PCNT: variants seen among roughly 807,000 people sequenced by gnomAD.
PCNT encodes pericentrin.
PCNT carries 319 observed loss-of-function variants against 380.4 expected under a neutral mutation model. That is an observed-to-expected ratio of 0.84 (90% confidence interval 0.77 to 0.92). The LOEUF (loss-of-function observed/expected upper bound fraction) is 0.92. Ranked by LOEUF, PCNT falls within the 40% of genes least tolerant of loss-of-function variation. PCNT has a pLI of 0.00. For synonymous variants in PCNT, 1,845 were observed against 1,735.2 expected (o/e 1.06, Z -1.57); for missense variants, 4,400 against 4,255.3 (o/e 1.03, Z -0.95).
At position 46,363,474 on chromosome 21, in the gene PCNT, C is replaced by T; in HGVS notation, c.2155-6C>T. On this transcript the variant is annotated splice_polypyrimidine_tract_variant and splice_region_variant and intron_variant, in intron 13 of 46. Coordinates refer to ENST00000359568, the MANE Select transcript of PCNT (RefSeq NM_006031.6). ...TTCCTCCTAAATGAAATTATGTTGT[C>T]TGTAGGTAAAACACAATCTAATTGA... 6.2e-7 allele frequency: 1 copy of T among 1,603,798 alleles called. No homozygotes were observed. The highest frequency in any genetic ancestry group is 8.5e-7 in the Non-Finnish European group (1 of 1,171,204).
intron 3 of PCNT, among the ~76,000 whole-genome samples, chr21:46,336,700 A>G (rs1303940605): frequency 1.3e-5 from 2 of 151,862 alleles, no homozygotes; most frequent in Non-Finnish European, 2.9e-5. Context: ...TCCTGCTGGG[A>G]TGTTGCTGCT....
chr21:46,365,591 A>ACTCCCATGGGGTTCTGATCG, intron 14 of PCNT, among the ~76,000 whole-genome samples: 1 of 142,420 alleles, frequency 7.0e-6, no homozygotes, highest in African/African-American at 2.7e-5. Context: ...GGTTCTGATC[A>ACTCCCATGGGGTTCTGATCG]CTGCCATGGC....
chr21:46,444,683 T>G lies in PCNT; in HGVS notation c.9840-11T>G. 1 of 1,608,720 alleles carries G rather than the reference T, an allele frequency of 6.2e-7. No homozygotes were observed. The highest frequency in any genetic ancestry group is 8.5e-7 in the Non-Finnish European group (1 of 1,176,788). ...TTTTTTTCTTCTCTTGGTGTGGTAA[T>G]TTGTTTGAAGAGCCACTCCATCCCC... On this transcript the variant is annotated splice_polypyrimidine_tract_variant and intron_variant, in intron 45 of 46. Coordinates refer to ENST00000359568, the MANE Select transcript of PCNT (RefSeq NM_006031.6).
At chr21:46,389,478 T>A in intron 19 of PCNT, 47 bp downstream of exon 19, 2 of 1,464,668 alleles carry the variant, frequency 1.4e-6, no homozygotes, top group Non-Finnish European at 1.9e-6. Flanking sequence ...AACAACTGAG[T>A]AGCTGATGAT....
intron 27 of PCNT, among the ~76,000 whole-genome samples, chr21:46,410,077 G>A (rs1164229408): frequency 6.6e-6 from 1 of 152,362 alleles, no homozygotes; most frequent in African/African-American, 2.4e-5. Flanking sequence ...AATTGTCCTC[G>A]AAATTCCTTC....
At chr21:46,329,068 C>G (rs1409165962) in intron 2 of PCNT, among the ~76,000 whole-genome samples, 1 of 152,252 alleles carries the variant, frequency 6.6e-6, no homozygotes, top group Non-Finnish European at 1.5e-5. Flanking sequence ...GCCACTGTGC[C>G]TGGCCTGCAT....
Position 46,401,534 on chromosome 21 carries a change from TC to T in PCNT, c.4792-16del, listed in dbSNP as rs773732924. 1 of 1,600,734 alleles carries T rather than the reference TC, an allele frequency of 6.2e-7. No individual in the cohort carries two copies. Among genetic ancestry groups the T allele is most frequent in the South Asian group, 1.1e-5 (1 of 90,792 alleles). On this transcript the variant is annotated splice_polypyrimidine_tract_variant and intron_variant, in intron 25 of 46. Coordinates refer to ENST00000359568, the MANE Select transcript of PCNT (RefSeq NM_006031.6). ...CCCAAATATTTGCCTAAAATAGAGT[TC>T]TTTTTTTTTTAATAGGATAAAGAGG...
intron 15 of PCNT, among the ~76,000 whole-genome samples, chr21:46,372,148 C>T (rs1263686515): frequency 1.3e-5 from 2 of 149,528 alleles, no homozygotes; most frequent in African/African-American, 4.9e-5. Flanking sequence ...AGCACATGTG[C>T]CCATACAAGG....
rs138097697 is a variant in PCNT, at chr21:46,443,861, C to G, written c.9752C>G (p.Pro3251Arg). 7.4e-6 allele frequency: 12 copies of G among 1,613,298 alleles called. No homozygotes were observed. The highest frequency in any genetic ancestry group is 6.7e-5 in the Admixed American group (4 of 60,012). The change falls in exon 45 of 47, where the codon CCA becomes CGA. Residue 3251 changes from proline to arginine, a missense_variant. By Grantham distance (103) the Pro-to-Arg change is moderately radical (BLOSUM62 -2). Transcript: ENST00000359568. ...CCACCCAGAACCAGAGAGTCCCCCC[C>G]AACCCGGGATGTACCCTCTGGCCAC... ...QSPPRTRESP[P>R]TRDVPSGHTR...
rs1251701731 is a variant in PCNT, at chr21:46,431,726, C to T, written c.8262C>T (p.Thr2754=). ...QKDLAAEKSR[T]LELSEALRHE... is the part of the protein sequence containing the mutation. ...ACCTTGCGGCTGAGAAGAGCCGCAC[C>T]CTGGAGCTGTCAGAGGCCTTGCGGC... Residue 2754 remains threonine, a synonymous_variant, in exon 38 of 47, where the codon ACC becomes ACT. Transcript: ENST00000359568. 4 of 1,612,200 alleles carry T rather than the reference C, an allele frequency of 2.5e-6. No homozygotes were observed. The highest frequency in any genetic ancestry group is 1.3e-5 in the African/African-American group (1 of 74,922).
At chr21:46,356,905 G>T in intron 12 of PCNT, 69 bp from the exon 13 acceptor site, 1 of 1,357,162 alleles carries the variant, frequency 7.4e-7, no homozygotes, top group South Asian at 1.2e-5. Context: ...CGTTCTGCCT[G>T]TGCGGACTGT....
chr21:46,397,948 GACCTTCGCTGCAAGGGGCACGCCA>G, intron 22 of PCNT, 42 bp from the exon 23 acceptor site: 1 of 1,269,050 alleles, frequency 7.9e-7, no homozygotes, highest in Admixed American at 2.0e-5. Flanking sequence ...AGCCTGGGTG[GACCTTCGCTGCAAGGGGCACGCCA>G]GCCCCGTTGG....
chr21:46,366,787 A>G lies in PCNT; in HGVS notation c.2813A>G (p.Gln938Arg). The change falls in exon 15 of 47, where the codon CAG (glutamine) becomes CGG (arginine). Residue 938 changes from glutamine (Q) to arginine (R), a missense_variant. Transcript: ENST00000359568. ...CTGACAGCCTCCTTAGAGAGCAAGC[A>G]GGGGGCTCTGCTGGCTGCACGTGTG... The part of the protein sequence containing the change: ...GELTASLESK[Q>R]GALLAARVAE... 1 of 1,613,770 alleles carries G rather than the reference A, an allele frequency of 6.2e-7. No homozygotes were observed. Among genetic ancestry groups the G allele is most frequent in the Non-Finnish European group, 8.5e-7 (1 of 1,180,034 alleles).
chr21:46,358,780 A>G lies in PCNT; in HGVS notation c.2154+1589A>G, dbSNP rs189238666. Among the ~76,000 whole-genome samples, 413 of 150,490 alleles carry G rather than the reference A, an allele frequency of 2.7e-3. 2 individuals carry two copies. Among genetic ancestry groups the G allele is most frequent in the African/African-American group, 9.7e-3 (395 of 40,834 alleles). On this transcript the variant is annotated intron_variant, in intron 13 of 46. Coordinates refer to ENST00000359568, the MANE Select transcript of PCNT (RefSeq NM_006031.6). ...GCTGGAATTACAGGTGCACACCACC[A>G]TGCCTGGCTAATTTTTTTTATTTTT...
chr21:46,349,986 G>A (rs2084207338), intron 8 of PCNT, among the ~76,000 whole-genome samples, 166 bp downstream of exon 8: 1 of 152,146 alleles, frequency 6.6e-6, no homozygotes. Context: ...CACTTTGGGA[G>A]GCCAAGGTGG....
intron 29 of PCNT, among the ~76,000 whole-genome samples, chr21:46,414,941 ACTC>A (rs1408253345): frequency 1.3e-5 from 2 of 151,666 alleles, no homozygotes; most frequent in African/African-American, 4.9e-5. Context: ...TGCCCCAACT[ACTC>A]CTCCAGGCTC....
At chr21:46,355,648 A>G (rs1239691347) in intron 12 of PCNT, 22 bp downstream of exon 12, 4 of 1,612,142 alleles carry the variant, frequency 2.5e-6, no homozygotes, top group Admixed American at 3.3e-5. Flanking sequence ...CCGCCTCGCC[A>G]TGGTGTCGGC....
At chr21:46,372,330 C>T (rs577675316) in intron 15 of PCNT, among the ~76,000 whole-genome samples, 42 of 152,050 alleles carry the variant, frequency 2.8e-4, no homozygotes, top group African/African-American at 8.2e-4. Flanking sequence ...ACACACAACA[C>T]GTGCACACAC....
chr21:46,401,050 T>A (rs2086408948), intron 25 of PCNT, among the ~76,000 whole-genome samples: 1 of 152,262 alleles, frequency 6.6e-6, no homozygotes, highest in South Asian at 2.1e-4. Context: ...GCTTAGTAGA[T>A]GCCAGGGTTA....
Sources: allele counts gnomAD v4.1 joint callset (sites outside exome capture counted in the v4.1 genomes callset), GRCh38; gene constraint gnomAD v4.1.1; transcripts MANE v1.5; gene names NCBI Gene and HGNC (gene_info 2026-07-23, HGNC 2026-07-21).